NRG3: variants seen among roughly 807,000 people sequenced by gnomAD.
The protein encoded by NRG3 is neuregulin 3.
NRG3 carries 31 observed loss-of-function variants against 66.9 expected under a neutral mutation model. That is an observed-to-expected ratio of 0.46 (90% confidence interval 0.35 to 0.63). NRG3 has a LOEUF of 0.63. NRG3 is among the 20% of genes least tolerant of loss of function. The pLI, the probability that NRG3 is intolerant of heterozygous loss-of-function variation, is 0.00. For synonymous variants in NRG3, 393 were observed against 359.4 expected, an observed-to-expected ratio of 1.09 and a Z score of -1.06; for missense variants, 910 against 878.9, an observed-to-expected ratio of 1.04 and a Z score of -0.45.
At chr10:82,935,610 A>G (rs1009915580) in intron 4 of NRG3, among the ~76,000 whole-genome samples, 1 of 152,062 alleles carries the variant, frequency 6.6e-6, no homozygotes, top group African/African-American at 2.4e-5. Flanking sequence ...CAGTAATTCT[A>G]TGTTATTATT....
At chr10:81,915,510 T>TTTTTTTTTTC (rs1845615598) in intron 1 of NRG3, among the ~76,000 whole-genome samples, 1 of 151,590 alleles carries the variant, frequency 6.6e-6, no homozygotes, top group East Asian at 1.9e-4. Context: ...TTTTTTTTTT[T>TTTTTTTTTTC]GCCAAAACAC....
At chr10:82,214,254 G>A (rs1480077315) in intron 1 of NRG3, among the ~76,000 whole-genome samples, 1 of 152,098 alleles carries the variant, frequency 6.6e-6, no homozygotes, top group Non-Finnish European at 1.5e-5. Context: ...AAGGGACCAA[G>A]CCTCCCCTGA....
chr10:82,342,391 G>A (rs2082729772), intron 1 of NRG3, among the ~76,000 whole-genome samples: 1 of 152,154 alleles, frequency 6.6e-6, no homozygotes, highest in Non-Finnish European at 1.5e-5. Flanking sequence ...CATCAACAAC[G>A]TATTAGCATT....
At chr10:81,968,926 C>T (rs1038429640) in intron 1 of NRG3, among the ~76,000 whole-genome samples, 5 of 152,224 alleles carry the variant, frequency 3.3e-5, no homozygotes, top group Non-Finnish European at 5.9e-5. Flanking sequence ...CGAAGTGAGG[C>T]GAGGTTGTTA....
intron 1 of NRG3, among the ~76,000 whole-genome samples, chr10:82,350,691 T>G (rs1373346230): frequency 6.6e-6 from 1 of 152,182 alleles, no homozygotes; most frequent in Non-Finnish European, 1.5e-5. Context: ...AGTCGCCATA[T>G]GTGTTCCAGT....
chr10:82,243,710 T>G (rs2077107002), intron 1 of NRG3, among the ~76,000 whole-genome samples: 1 of 152,190 alleles, frequency 6.6e-6, no homozygotes, highest in Non-Finnish European at 1.5e-5. Context: ...TTTCCCAAGT[T>G]AATTTTTTAA....
chr10:81,919,039 A>G (rs1353497206), intron 1 of NRG3, among the ~76,000 whole-genome samples: 3 of 151,966 alleles, frequency 2.0e-5, no homozygotes, highest in African/African-American at 7.3e-5. Flanking sequence ...CAATTATACT[A>G]TATAGCCCTC....
intron 1 of NRG3, among the ~76,000 whole-genome samples, chr10:81,960,750 A>C (rs377457134): frequency 6.6e-6 from 1 of 151,732 alleles, no homozygotes; most frequent in East Asian, 1.9e-4. Flanking sequence ...GTTTGAACAA[A>C]ACAGGACAGA....
At chr10:82,799,364 A>G (rs2060933664) in intron 3 of NRG3, among the ~76,000 whole-genome samples, 1 of 151,988 alleles carries the variant, frequency 6.6e-6, no homozygotes, top group Admixed American at 6.6e-5. Flanking sequence ...CATCTCTACT[A>G]AAAATACAAA....
intron 4 of NRG3, among the ~76,000 whole-genome samples, chr10:82,942,336 G>A (rs113917062): frequency 1.9e-3 from 292 of 152,192 alleles, no homozygotes; most frequent in African/African-American, 6.8e-3. Context: ...TTTTTTCTAC[G>A]TAGTACAGCT....
rs1438978183 is a variant in NRG3 at position 82,411,106 on chromosome 10, G to T, written c.953+52238G>T. 2.6e-5 allele frequency among the ~76,000 whole-genome samples: 4 copies of T among 152,082 alleles called. No individual in the cohort carries two copies. The East Asian group carries it at 7.7e-4, about 29-fold the overall frequency. ...AATTTTTGTATTTTTAGTACGGACA[G>T]GATTTCAGCATGTAAGCCAGGCTGG... On this transcript the variant is annotated intron_variant, in intron 2 of 8. Transcript: ENST00000372141.
At chr10:82,320,983 C>T (rs568411412) in intron 1 of NRG3, among the ~76,000 whole-genome samples, 41 of 152,314 alleles carry the variant, frequency 2.7e-4, no homozygotes, top group African/African-American at 7.9e-4. Context: ...TAAAATCCCC[C>T]GCATTTACCA....
chr10:82,894,346 TA>T (rs1198481517), intron 4 of NRG3, among the ~76,000 whole-genome samples: 9 of 152,202 alleles, frequency 5.9e-5, no homozygotes, highest in African/African-American at 2.2e-4. Context: ...GCCTAGCATA[TA>T]TTTTTTTTAG....
chr10:82,064,932 T>C (rs534486974), intron 1 of NRG3, among the ~76,000 whole-genome samples: 1 of 152,340 alleles, frequency 6.6e-6, no homozygotes, highest in African/African-American at 2.4e-5. Context: ...TAACAACTAT[T>C]CATGCACACA....
At chr10:82,606,292 A>C (rs144558995) in intron 2 of NRG3, among the ~76,000 whole-genome samples, 139 of 152,312 alleles carry the variant, frequency 9.1e-4, no homozygotes, top group South Asian at 7.5e-3. Flanking sequence ...CGTGTTATTT[A>C]GAAGTGTGGT....
At chr10:82,401,871 A>C (rs1224951651) in intron 2 of NRG3, among the ~76,000 whole-genome samples, 1 of 152,122 alleles carries the variant, frequency 6.6e-6, no homozygotes, top group Admixed American at 6.6e-5. Flanking sequence ...ATTTAAAGTC[A>C]TAGAAAATAA....
At chr10:82,547,570 G>C (rs1182331220) in intron 2 of NRG3, among the ~76,000 whole-genome samples, 2 of 150,894 alleles carry the variant, frequency 1.3e-5, no homozygotes, top group Non-Finnish European at 3.0e-5. Flanking sequence ...TATATACACT[G>C]ATGTATATAT....
intron 1 of NRG3, among the ~76,000 whole-genome samples, chr10:81,975,813 A>T (rs985447314): frequency 6.6e-6 from 1 of 152,202 alleles, no homozygotes; most frequent in Non-Finnish European, 1.5e-5. Context: ...GATAAAGAGA[A>T]TATCTTGCAT....
intron 1 of NRG3, among the ~76,000 whole-genome samples, chr10:82,320,506 C>T (rs2081512497): frequency 6.6e-6 from 1 of 152,198 alleles, no homozygotes; most frequent in African/African-American, 2.4e-5. Context: ...GACCAAGTCA[C>T]TCCTTCATTC....
Sources: allele counts gnomAD v4.1 joint callset (sites outside exome capture counted in the v4.1 genomes callset), GRCh38; gene constraint gnomAD v4.1.1; transcripts MANE v1.5; gene names NCBI Gene and HGNC (gene_info 2026-07-23, HGNC 2026-07-21).